Variants in KRT86 observed in about 807,000 individuals in gnomAD.
The protein encoded by KRT86 is keratin, type II cuticular Hb6.
Under a neutral mutation model 41.2 loss-of-function variants are expected in KRT86, and 30 were observed. The observed-to-expected ratio is 0.73, with a 90% CI of 0.54 to 0.99. KRT86 has a LOEUF of 0.99. Ranked by LOEUF, KRT86 falls within the 50% of genes least tolerant of loss-of-function variation. The pLI is 0.00. For synonymous variants in KRT86, 238 were observed against 238.1 expected (o/e 1.00, Z 0.00); for missense variants, 561 against 571.4 (o/e 0.98, Z 0.19).
At chr12:52,286,837 G>GA in intron 2 of KRT86, 1 of 1,613,740 alleles carries the variant, frequency 6.2e-7, no homozygotes, top group South Asian at 1.1e-5. Context: ...GGGCAAAAGA[G>GA]AAAAAGGCAA....
At chr12:52,288,421 C>G (rs754203840) in intron 2 of KRT86, 3 of 1,614,204 alleles carry the variant, frequency 1.9e-6, no homozygotes, top group Non-Finnish European at 2.5e-6. Flanking sequence ...CGTTGGCCTC[C>G]AGGTCTGACT....
intron 6 of KRT86, 92 bp downstream of exon 6, chr12:52,305,119 A>G: frequency 6.2e-7 from 1 of 1,605,716 alleles, no homozygotes; most frequent in Non-Finnish European, 8.5e-7. Context: ...TAGAGGTTGC[A>G]GTCCCTGAGG....
chr12:52,302,215 A>C lies in KRT86; in HGVS notation c.299A>C (p.Gln100Pro). 8 of 1,161,504 alleles carry C rather than the reference A, an allele frequency of 6.9e-6. No individual in the cohort carries two copies. Among genetic ancestry groups the C allele is most frequent in the Non-Finnish European group, 9.6e-6 (8 of 835,070 alleles). 71.9% of individuals were successfully genotyped at this position (1,161,504 alleles called of 1,614,324 possible). ...AACCTGGAGATCGACCCCAACGCGC[A>C]GTGCGTGAAGCAGGAGGAGAAGGAG... The part of the protein sequence containing the change: ...PLNLEIDPNA[Q>P]CVKQEEKEQI... Residue 100 changes from glutamine to proline, a missense_variant, in exon 3 of 11, where the codon CAG (glutamine) becomes CCG (proline). Transcript: ENST00000423955.
At chr12:52,286,311 A>T in intron 2 of KRT86, 1 of 1,554,652 alleles carries the variant, frequency 6.4e-7, no homozygotes, top group East Asian at 2.4e-5. Context: ...CTGATACCAC[A>T]GGAGCCCACG....
rs749602501 is a variant in KRT86 at position 52,305,030 on chromosome 12, G to A, written c.735+3G>A. On this transcript the variant is annotated splice_donor_region_variant and intron_variant, in intron 6 of 10. Transcript: ENST00000423955. ...TCCTGAGGCGGCTGTATGAGGAGGT[G>A]CGGGCTCAGGGGCCAGGCAGAGACC... The A allele has an allele frequency of 6.8e-6, 11 of 1,613,750 alleles. No homozygotes were observed. In the African/African-American group the frequency reaches 8.0e-5, roughly 12 times the overall value.
At chr12:52,295,398 G>GTGTC (rs1343345524) in intron 2 of KRT86, among the ~76,000 whole-genome samples, 1 of 152,224 alleles carries the variant, frequency 6.6e-6, no homozygotes, top group African/African-American at 2.4e-5. Flanking sequence ...CAGAGCCTGT[G>GTGTC]TGTCTGATCC....
intron 5 of KRT86, among the ~76,000 whole-genome samples, chr12:52,304,642 G>A (rs1938458819): frequency 6.6e-6 from 1 of 151,790 alleles, no homozygotes; most frequent in Non-Finnish European, 1.5e-5. Context: ...GTGAGAGCTG[G>A]GGGGTCAGTC....
At chr12:52,287,025 T>C in intron 2 of KRT86, 1 of 1,609,822 alleles carries the variant, frequency 6.2e-7, no homozygotes, top group Non-Finnish European at 8.5e-7. Flanking sequence ...CCCTGGCCAT[T>C]GCTCAGCCAA....
At position 52,305,957 on chromosome 12, in the gene KRT86, G is replaced by C. The variant is rs139424364; in HGVS notation, c.1027-103G>C. The C allele has an allele frequency of 1.9e-6, 3 of 1,572,096 alleles. No homozygotes were observed. In the African/African-American group the frequency reaches 4.1e-5, roughly 21 times the overall value. ...CCAGGTGATGAAGGCAAGAGGCTCTGTTCTGGGGTGCTCCCAGCTTGGTGG... is the reference window on the plus strand; with the variant it reads ...CCAGGTGATGAAGGCAAGAGGCTCTCTTCTGGGGTGCTCCCAGCTTGGTGG... On this transcript the variant is annotated intron_variant, in intron 8 of 10. Transcript: ENST00000423955.
At chr12:52,308,182 G>T in intron 9 of KRT86, 51 bp from the exon 10 acceptor site, 1 of 1,613,576 alleles carries the variant, frequency 6.2e-7, no homozygotes, top group Non-Finnish European at 8.5e-7. Context: ...TCAGTCACGG[G>T]GGCCCGGCGC....
intron 2 of KRT86, among the ~76,000 whole-genome samples, chr12:52,297,907 TC>T (rs1231032056): frequency 6.6e-6 from 1 of 152,234 alleles, no homozygotes; most frequent in Admixed American, 6.5e-5. Context: ...CAAGTCCATA[TC>T]CCCCATCCTC....
chr12:52,275,797 T>C, intron 1 of KRT86, 24 bp from the exon 2 acceptor site: 1 of 983,782 alleles, frequency 1.0e-6, no homozygotes, highest in Non-Finnish European at 1.2e-6. Flanking sequence ...TGACTACAGC[T>C]CCCCTCTGCC....
intron 2 of KRT86, chr12:52,288,190 C>T: frequency 6.2e-7 from 1 of 1,602,222 alleles, no homozygotes; most frequent in Non-Finnish European, 8.5e-7. Context: ...AGAATACAGC[C>T]CCACCCACCA....
chr12:52,286,923 A>T, intron 2 of KRT86: 1 of 1,538,410 alleles, frequency 6.5e-7, no homozygotes, highest in Non-Finnish European at 8.9e-7. Context: ...TCAATTAAGA[A>T]CAGAGTCTGA....
At position 52,291,332 on chromosome 12, in the gene KRT86, A is replaced by G. The variant is rs900857627; in HGVS notation, c.-4-10581A>G. The G allele has an allele frequency of 2.6e-6, 4 of 1,557,986 alleles. No homozygotes were observed. The African/African-American group carries it at 5.5e-5, about 21-fold the overall frequency. On this transcript the variant is annotated intron_variant, in intron 2 of 10. Coordinates refer to ENST00000423955, the MANE Select transcript of KRT86 (RefSeq NM_001320198.2). ...GCCTCCGCACACGCTGTGGCTGCCG[A>G]AGCCCCCGGTGAGGCCGCGGTAGCA...
At chr12:52,287,359 C>T (rs1245967408) in intron 2 of KRT86, 8 of 1,611,802 alleles carry the variant, frequency 5.0e-6, no homozygotes, top group Non-Finnish European at 6.8e-6. Context: ...GATTAGAGTC[C>T]CTGGGTCTCT....
At chr12:52,288,569 T>C in intron 2 of KRT86, 1 of 1,250,894 alleles carries the variant, frequency 8.0e-7, no homozygotes, top group Non-Finnish European at 1.2e-6. Context: ...TGGTGTCCCA[T>C]TCCCATGCCT....
chr12:52,308,263 C>G lies in KRT86; in HGVS notation c.1278C>G (p.Val426=), dbSNP rs1938562673. 3.7e-6 allele frequency: 6 copies of G among 1,614,090 alleles called. No individual in the cohort carries two copies. In the South Asian group the frequency reaches 5.5e-5, roughly 15 times the overall value. The change falls in exon 10 of 11, where the codon GTC becomes GTG. Residue 426 remains valine (V), a splice_region_variant and synonymous_variant. Transcript: ENST00000423955. ...GCGAGGGCGTCGGCTCGGTGAATGT[C>G]TGTAAGTAGTGGGGTCCGTCCCCTC... ...RLCEGVGSVN[V]CVSSSRGGVV...
chr12:52,302,329 C>T (rs1403846334), intron 3 of KRT86, 44 bp downstream of exon 3: 1 of 514,218 alleles, frequency 1.9e-6, no homozygotes, highest in East Asian at 3.1e-5. Flanking sequence ...CCACCACCTA[C>T]ACAGCCAGGG....
Sources: allele counts gnomAD v4.1 joint callset (sites outside exome capture counted in the v4.1 genomes callset), GRCh38; gene constraint gnomAD v4.1.1; transcripts MANE v1.5; gene names NCBI Gene and HGNC (gene_info 2026-07-23, HGNC 2026-07-21).